CDH20: variants seen among roughly 807,000 people sequenced by gnomAD.
The protein encoded by CDH20 is cadherin-20.
A neutral mutation model predicts 74.2 loss-of-function variants in CDH20; 29 were observed. That is an observed-to-expected ratio of 0.39 (90% CI 0.29 to 0.53). The LOEUF is 0.53. CDH20 is among the 20% of genes least tolerant of loss of function. The probability of loss-of-function intolerance (pLI) is 0.69; values close to 1 mark genes in which losing one functional copy is unlikely to be tolerated. For missense variants in CDH20, 988 were observed against 1,048.3 expected, an observed-to-expected ratio of 0.94 and a Z score of 0.79; for synonymous variants, 469 against 405.4, an observed-to-expected ratio of 1.16 and a Z score of -1.88.
chr18:61,489,792 C>T (rs1440689262), intron 1 of CDH20, among the ~76,000 whole-genome samples: 1 of 152,018 alleles, frequency 6.6e-6, no homozygotes, highest in African/African-American at 2.4e-5. Context: ...GGAGCCAAAA[C>T]AGTAGAGTGT....
chr18:61,453,091 C>A (rs1599095421), intron 1 of CDH20, among the ~76,000 whole-genome samples: 1 of 152,040 alleles, frequency 6.6e-6, no homozygotes, highest in Non-Finnish European at 1.5e-5. Flanking sequence ...TTGATATAGT[C>A]CAGATACAAA....
chr18:61,339,307 A>G (rs1909858245), intron 1 of CDH20, among the ~76,000 whole-genome samples: 1 of 151,784 alleles, frequency 6.6e-6, no homozygotes, highest in African/African-American at 2.4e-5. Flanking sequence ...CTCTTTAAGT[A>G]CTGAGTCTTT....
intron 1 of CDH20, among the ~76,000 whole-genome samples, chr18:61,347,303 TATATATATATATATATACACACAC>T (rs1910147747): frequency 1.2e-5 from 1 of 80,518 alleles, no homozygotes; most frequent in Admixed American, 1.3e-4. Flanking sequence ...TATATATATA[TATATATATATATATATACACACAC>T]ACACACACAC....
At chr18:61,418,825 T>C (rs1184010660) in intron 1 of CDH20, among the ~76,000 whole-genome samples, 1 of 152,204 alleles carries the variant, frequency 6.6e-6, no homozygotes, top group East Asian at 1.9e-4. Context: ...TTAGCCATTA[T>C]TGTCAGCTTG....
chr18:61,422,912 T>C (rs1223443795), intron 1 of CDH20, among the ~76,000 whole-genome samples: 2 of 152,164 alleles, frequency 1.3e-5, no homozygotes, highest in African/African-American at 2.4e-5. Flanking sequence ...CCAATGATTA[T>C]ATTTTGCTTT....
intron 11 of CDH20, among the ~76,000 whole-genome samples, chr18:61,552,622 C>T (rs527622681): frequency 1.3e-4 from 20 of 152,294 alleles, no homozygotes; most frequent in African/African-American, 4.3e-4. Flanking sequence ...GGCCCTGCCT[C>T]TGTACTCTCC....
chr18:61,550,149 G>A lies in CDH20; in HGVS notation c.1820G>A (p.Ser607Asn). The change falls in exon 11 of 12, where the codon AGC (serine) becomes AAC (asparagine). Residue 607 changes from serine to asparagine, a missense_variant. Physicochemically the swap from Ser to Asn is conservative, Grantham distance 46. Transcript: ENST00000262717. ...CDDDGHVMSC[S>N]PEAYMLPVSL... Reference sequence around the variant, plus strand: ...GACGACGGCCACGTCATGTCCTGCAGCCCAGAGGCCTACATGCTCCCAGTC... The same window carrying A: ...GACGACGGCCACGTCATGTCCTGCAACCCAGAGGCCTACATGCTCCCAGTC... The A allele has an allele frequency of 6.2e-7, 1 of 1,614,194 alleles. No homozygotes were observed. The highest frequency in any genetic ancestry group is 1.6e-4 in the Middle Eastern group (1 of 6,062).
At chr18:61,348,015 T>A (rs2144106200) in intron 1 of CDH20, among the ~76,000 whole-genome samples, 1 of 152,306 alleles carries the variant, frequency 6.6e-6, no homozygotes, top group Non-Finnish European at 1.5e-5. Flanking sequence ...GAACCTTACC[T>A]TTGCAAAGTT....
At chr18:61,390,798 G>A (rs946972804) in intron 1 of CDH20, among the ~76,000 whole-genome samples, 1 of 152,064 alleles carries the variant, frequency 6.6e-6, no homozygotes, top group Non-Finnish European at 1.5e-5. Flanking sequence ...CAATTGCCTA[G>A]GTGCTTGCTA....
chr18:61,384,575 A>G (rs911542639), intron 1 of CDH20, among the ~76,000 whole-genome samples: 2 of 152,200 alleles, frequency 1.3e-5, no homozygotes, highest in African/African-American at 4.8e-5. Flanking sequence ...TTTCGACTAT[A>G]GTTGTGAGCA....
At chr18:61,340,788 T>G (rs1417469704) in intron 1 of CDH20, among the ~76,000 whole-genome samples, 1 of 152,206 alleles carries the variant, frequency 6.6e-6, no homozygotes, top group African/African-American at 2.4e-5. Flanking sequence ...CATAATTTGT[T>G]TTTAAGCCAA....
chr18:61,422,553 A>G (rs1465828260), intron 1 of CDH20, among the ~76,000 whole-genome samples: 9 of 152,108 alleles, frequency 5.9e-5, no homozygotes, highest in Non-Finnish European at 1.5e-5. Flanking sequence ...AGAAAACTCC[A>G]CAGTTATAAC....
chr18:61,542,630 G>A (rs1036341463), intron 9 of CDH20, among the ~76,000 whole-genome samples: 5 of 152,154 alleles, frequency 3.3e-5, no homozygotes, highest in African/African-American at 1.2e-4. Context: ...TGTCTCAGTC[G>A]GTTTGTATTG....
At chr18:61,339,881 A>G (rs1300302537) in intron 1 of CDH20, among the ~76,000 whole-genome samples, 2 of 151,576 alleles carry the variant, frequency 1.3e-5, no homozygotes, top group African/African-American at 2.4e-5. Context: ...TAGTAGAGAC[A>G]GGGTTTCACC....
intron 1 of CDH20, among the ~76,000 whole-genome samples, chr18:61,472,601 A>G (rs1910222150): frequency 6.6e-6 from 1 of 152,234 alleles, no homozygotes; most frequent in Non-Finnish European, 1.5e-5. Context: ...TTTCTTTGCC[A>G]TATCTTTACG....
At position 61,554,441 on chromosome 18, in the gene CDH20, G is replaced by A; in HGVS notation, c.2152G>A (p.Val718Met). 2 of 1,613,336 alleles carry A rather than the reference G, an allele frequency of 1.2e-6. No individual in the cohort carries two copies. Among genetic ancestry groups the A allele is most frequent in the Non-Finnish European group, 1.7e-6 (2 of 1,179,946 alleles). The change falls in exon 12 of 12, where the codon GTG becomes ATG. Residue 718 changes from valine (V) to methionine (M), a missense_variant. By Grantham distance (21) the Val-to-Met change is conservative (BLOSUM62 1). Transcript: ENST00000262717. The stretch of plus-strand genomic sequence containing the variant: ...CCGCTACGTGCCTCAGACGTGCGCA[G>A]TGAACAGCACTGTCCACAGCTACGT... ...LSRYVPQTCA[V>M]NSTVHSYVLA...
rs954901737 is a variant in CDH20 at position 61,507,701 on chromosome 18, C to A, written c.1017+141C>A. 31 of 526,042 alleles carry A rather than the reference C, an allele frequency of 5.9e-5. No homozygotes were observed. The East Asian group carries it at 7.0e-4, about 12-fold the overall frequency. 32.6% of individuals were successfully genotyped at this position (526,042 alleles called of 1,614,324 possible). A position where few individuals can be genotyped will look rare whatever the true frequency, so the allele number is the denominator to read the frequency against. On this transcript the variant is annotated intron_variant, in intron 6 of 11. Transcript: ENST00000262717. The stretch of plus-strand genomic sequence containing the variant: ...CTTTCCTATTATTTAAAAAAAAAAA[C>A]ACACAGAAAACCTCTTAACCCTTAT...
At chr18:61,531,470 C>T (rs1380706505) in intron 7 of CDH20, among the ~76,000 whole-genome samples, 1 of 152,192 alleles carries the variant, frequency 6.6e-6, no homozygotes, top group East Asian at 1.9e-4. Context: ...TGTCATGAGC[C>T]AATCGGTGTT....
intron 7 of CDH20, among the ~76,000 whole-genome samples, 194 bp downstream of exon 7, chr18:61,528,414 ATTATAT>A (rs1403971478): frequency 4.8e-4 from 62 of 130,014 alleles, no homozygotes; most frequent in African/African-American, 1.7e-3. Context: ...TAGAAGTGTC[ATTATAT>A]TTATAACTCA....
Sources: allele counts gnomAD v4.1 joint callset (sites outside exome capture counted in the v4.1 genomes callset), GRCh38; gene constraint gnomAD v4.1.1; transcripts MANE v1.5; gene names NCBI Gene and HGNC (gene_info 2026-07-23, HGNC 2026-07-21).